Variants in FBLN7 observed in about 807,000 individuals in gnomAD.
FBLN7 encodes fibulin 7.
Under a neutral mutation model 44.0 loss-of-function variants are expected in FBLN7, and 31 were observed. The ratio of observed to expected loss-of-function variants is 0.70; its 90% CI spans 0.53 to 0.95. The LOEUF is 0.95. Ranked by LOEUF, FBLN7 falls within the 40% of genes least tolerant of loss-of-function variation. The pLI, the probability that FBLN7 is intolerant of heterozygous loss-of-function variation, is 0.00. For synonymous variants in FBLN7, 262 were observed against 253.4 expected (o/e 1.03, Z -0.32); for missense variants, 573 against 618.5 (o/e 0.93, Z 0.78).
chr2:112,155,714 G>C (rs567662278), intron 1 of FBLN7, among the ~76,000 whole-genome samples: 1 of 152,206 alleles, frequency 6.6e-6, no homozygotes, highest in Non-Finnish European at 1.5e-5. Flanking sequence ...AGCAGCTGGC[G>C]CCTGTTGCCC....
the FBLN7 span, among the ~76,000 whole-genome samples, chr2:112,235,894 T>C: frequency 6.7e-6 from 1 of 149,692 alleles, no homozygotes; most frequent in Non-Finnish European, 1.5e-5. Flanking sequence ...TTTGATCTTC[T>C]CTGGGCTTCC....
At chr2:112,223,553 T>A in the FBLN7 span, among the ~76,000 whole-genome samples, 2 of 152,164 alleles carry the variant, frequency 1.3e-5, no homozygotes, top group Admixed American at 6.5e-5. Flanking sequence ...CATATATTAC[T>A]TTTATAAGAA....
chr2:112,203,905 T>A, the FBLN7 span, among the ~76,000 whole-genome samples: 1 of 152,178 alleles, frequency 6.6e-6, no homozygotes, highest in Non-Finnish European at 1.5e-5. Flanking sequence ...ACTGCCCCCA[T>A]GATTCAAATT....
At chr2:112,175,617 C>A in intron 3 of FBLN7, 97 bp from the exon 4 acceptor site, 2 of 1,473,292 alleles carry the variant, frequency 1.4e-6, no homozygotes, top group Non-Finnish European at 9.2e-7. Flanking sequence ...AGTTCTCCTA[C>A]AATGTAAAGG....
intron 4 of FBLN7, among the ~76,000 whole-genome samples, chr2:112,179,242 C>CCA (rs1192889336): frequency 1.3e-5 from 2 of 151,796 alleles, no homozygotes; most frequent in South Asian, 2.1e-4. Flanking sequence ...TCACAATTTG[C>CCA]CACACACACA....
chr2:112,138,918 G>C (rs574413297), intron 1 of FBLN7, among the ~76,000 whole-genome samples, 188 bp downstream of exon 1: 7 of 74,772 alleles, frequency 9.4e-5, no homozygotes, highest in African/African-American at 2.2e-4. Context: ...CCTGTCCCGC[G>C]CGCCTCTCTC....
chr2:112,175,732 G>T lies in FBLN7; in HGVS notation c.425G>T (p.Ser142Ile). 1 of 1,614,210 alleles carries T rather than the reference G, an allele frequency of 6.2e-7. No homozygotes were observed. The highest frequency in any genetic ancestry group is 1.1e-5 in the South Asian group (1 of 91,088). ...PHCRGISECS[S>I]QPCQNGGTCV... ...TTCCTAGGTATCAGTGAATGCTCCA[G>T]CCAGCCTTGTCAAAATGGTGGTACA... Residue 142 changes from serine (S) to isoleucine (I), a missense_variant, in exon 4 of 8, where the codon AGC (serine) becomes ATC (isoleucine). By Grantham distance (142) the Ser-to-Ile change is moderately radical (BLOSUM62 -2). Transcript: ENST00000331203.
the FBLN7 span, among the ~76,000 whole-genome samples, chr2:112,198,112 G>T: frequency 6.6e-6 from 1 of 152,118 alleles, no homozygotes; most frequent in Non-Finnish European, 1.5e-5. Flanking sequence ...CTCCCTCCCT[G>T]AAACCTCCTC....
At chr2:112,176,037 A>C (rs1177626043) in intron 4 of FBLN7, 198 bp downstream of exon 4, 3 of 512,574 alleles carry the variant, frequency 5.9e-6, no homozygotes, top group Non-Finnish European at 9.5e-6. Flanking sequence ...CTTTGATGCA[A>C]CCAGAGTTTT....
At chr2:112,162,428 G>T (rs563513491) in intron 2 of FBLN7, among the ~76,000 whole-genome samples, 1 of 151,084 alleles carries the variant, frequency 6.6e-6, no homozygotes, top group African/African-American at 2.4e-5. Flanking sequence ...CCTCCCTCCT[G>T]TTTCCTGGGT....
At chr2:112,164,918 G>C in intron 2 of FBLN7, 83 bp from the exon 3 acceptor site, 1 of 1,483,538 alleles carries the variant, frequency 6.7e-7, no homozygotes, top group Non-Finnish European at 9.2e-7. Flanking sequence ...GGCACTTCGA[G>C]ATGGGAAGTC....
chr2:112,167,214 T>C (rs889233221), intron 3 of FBLN7, among the ~76,000 whole-genome samples: 8 of 152,326 alleles, frequency 5.3e-5, no homozygotes, highest in Admixed American at 2.6e-4. Context: ...GTGATTAAAA[T>C]GAAAAGATGA....
intron 3 of FBLN7, among the ~76,000 whole-genome samples, chr2:112,169,854 A>C (rs551987319): frequency 6.6e-6 from 1 of 152,336 alleles, no homozygotes; most frequent in East Asian, 1.9e-4. Context: ...GCCTCTGAGC[A>C]GGGGACAATG....
At chr2:112,222,684 G>A in the FBLN7 span, among the ~76,000 whole-genome samples, 8 of 152,150 alleles carry the variant, frequency 5.3e-5, no homozygotes, top group Non-Finnish European at 8.8e-5. Flanking sequence ...AGGACATACT[G>A]TATGATTTCA....
chr2:112,241,447 C>A, the FBLN7 span, among the ~76,000 whole-genome samples: 810 of 152,304 alleles, frequency 5.3e-3, 7 homozygotes, highest in Admixed American at 0.014. Context: ...AGACCCCCCC[C>A]TCAAGGGCCT....
At chr2:112,184,614 A>T (rs1429573999) in intron 6 of FBLN7, among the ~76,000 whole-genome samples, 2 of 151,494 alleles carry the variant, frequency 1.3e-5, no homozygotes, top group Non-Finnish European at 2.9e-5. Flanking sequence ...TTTCTAGAAG[A>T]TTCTAATTTA....
At chr2:112,196,558 A>C in the FBLN7 span, among the ~76,000 whole-genome samples, 6 of 151,784 alleles carry the variant, frequency 4.0e-5, no homozygotes, top group Non-Finnish European at 8.8e-5. Context: ...GGAGTGAGCC[A>C]CAGTGCCCAG....
At chr2:112,228,289 G>A in the FBLN7 span, among the ~76,000 whole-genome samples, 1 of 152,112 alleles carries the variant, frequency 6.6e-6, no homozygotes, top group African/African-American at 2.4e-5. Flanking sequence ...ATCACCTGAG[G>A]TCAGGAGTTC....
chr2:112,187,663 A>G lies in FBLN7; in HGVS notation c.*157A>G. Reference sequence around the variant, plus strand: ...GCAGCGTTGCACGGCGCCCCATGGAATAGCACGGAAGAGCAGCCACAAAAC... The same window carrying G: ...GCAGCGTTGCACGGCGCCCCATGGAGTAGCACGGAAGAGCAGCCACAAAAC... On this transcript the variant is annotated 3_prime_UTR_variant, in exon 8 of 8. Coordinates refer to ENST00000331203, the MANE Select transcript of FBLN7 (RefSeq NM_153214.3). This position sits in a 1 kb window ranked among gnomAD's most constrained non-coding sequence, Gnocchi z 5.1. 1 of 983,536 alleles carries G rather than the reference A, an allele frequency of 1.0e-6. No homozygotes were observed. 60.9% of individuals were successfully genotyped at this position (983,536 alleles called of 1,614,324 possible).
Sources: gnomAD v4.1 joint callset for allele counts (sites outside exome capture counted in the v4.1 genomes callset) on GRCh38, gnomAD v4.1.1 for gene constraint, Gnocchi (gnomAD v3.1) non-coding constraint, MANE v1.5 for transcripts, NCBI Gene and HGNC (gene_info 2026-07-23, HGNC 2026-07-21) for gene names.